RALYL: variants seen among roughly 807,000 people sequenced by gnomAD.
RALYL encodes the protein RNA-binding Raly-like protein.
A neutral mutation model predicts 35.1 loss-of-function variants in RALYL; 29 were observed. The ratio of observed to expected loss-of-function variants is 0.83; its 90% CI spans 0.61 to 1.13. The LOEUF (loss-of-function observed/expected upper bound fraction) is 1.13. Ranked by LOEUF, RALYL falls within the 50% of genes most tolerant of loss-of-function variation. The pLI is 0.00. For synonymous variants in RALYL, 120 were observed against 127.6 expected (o/e 0.94, Z 0.40); for missense variants, 359 against 360.4 (o/e 1.00, Z 0.03).
At chr8:84,744,010 G>T (rs912322315) in intron 2 of RALYL, among the ~76,000 whole-genome samples, 1 of 151,856 alleles carries the variant, frequency 6.6e-6, no homozygotes, top group African/African-American at 2.4e-5. Flanking sequence ...AATTGGAGAC[G>T]GATAGTAGCA....
At chr8:84,662,787 AAT>A (rs1440540600) in intron 2 of RALYL, among the ~76,000 whole-genome samples, 2 of 152,136 alleles carry the variant, frequency 1.3e-5, no homozygotes, top group African/African-American at 4.8e-5. Context: ...ATTTATATAA[AAT>A]AGTATAAAAA....
chr8:84,635,693 G>A (rs1191041621), intron 2 of RALYL, among the ~76,000 whole-genome samples: 1 of 151,624 alleles, frequency 6.6e-6, no homozygotes, highest in Non-Finnish European at 1.5e-5. Context: ...TTTAGATCCA[G>A]GAGATATAAT....
intron 8 of RALYL, among the ~76,000 whole-genome samples, chr8:84,894,272 T>C (rs903838594): frequency 6.6e-6 from 1 of 152,196 alleles, no homozygotes; most frequent in African/African-American, 2.4e-5. Flanking sequence ...CTTTTTCTTA[T>C]CATTTTGAAT....
At chr8:84,271,466 T>TTGTG (rs60994368) in intron 1 of RALYL, among the ~76,000 whole-genome samples, 87 of 143,654 alleles carry the variant, frequency 6.1e-4, no homozygotes, top group African/African-American at 1.6e-3. Flanking sequence ...TAGAAAATAG[T>TTGTG]TGTGTGTGTG....
intron 2 of RALYL, among the ~76,000 whole-genome samples, chr8:84,698,213 T>G (rs1486114216): frequency 6.6e-6 from 1 of 152,136 alleles, no homozygotes; most frequent in African/African-American, 2.4e-5. Context: ...CTCGCATCAC[T>G]GCTTTAAAAT....
intron 5 of RALYL, among the ~76,000 whole-genome samples, chr8:84,851,621 G>A (rs1835879719): frequency 6.6e-6 from 1 of 152,284 alleles, no homozygotes; most frequent in Middle Eastern, 3.4e-3. Flanking sequence ...GGAAGTAACT[G>A]TGATCCTTGA....
rs56387511 is a variant in RALYL at position 84,367,318 on chromosome 8, ATTTTTTTTTTTTTTTTTTTTTTTTTTTTT to A, written c.-23-161958_-23-161930del. ...GCCATCCTGCCCAACTAATTTTTGT[ATTTTTTTTTTTTTTTTTTTTTTTTTTTTT>A]TTTTTTTTTTTTTTTTTTTTTTAGT... On this transcript the variant is annotated intron_variant, in intron 1 of 8. Transcript: ENST00000521268. Among the ~76,000 whole-genome samples the A allele has an allele frequency of 8.8e-4, 24 of 27,406 alleles. 1 individual carries two copies. In the South Asian group the frequency reaches 0.021, roughly 24 times the overall value. 18.0% of individuals were successfully genotyped at this position (27,406 alleles called of 152,430 possible).
At chr8:84,471,232 A>G (rs574169788) in intron 1 of RALYL, among the ~76,000 whole-genome samples, 2 of 152,308 alleles carry the variant, frequency 1.3e-5, no homozygotes, top group East Asian at 3.9e-4. Flanking sequence ...ATTAAGAGAA[A>G]TGCAGGTTTT....
intron 1 of RALYL, among the ~76,000 whole-genome samples, chr8:84,202,407 C>T (rs1295157588): frequency 1.6e-5 from 2 of 124,298 alleles, no homozygotes; most frequent in African/African-American, 6.0e-5. Context: ...AAGTCTTGCT[C>T]TGTCGCCTAG....
chr8:84,679,825 G>T (rs1025754708), intron 2 of RALYL: 13 of 422,152 alleles, frequency 3.1e-5, no homozygotes, highest in Non-Finnish European at 2.8e-5. Flanking sequence ...TGATCTAGAG[G>T]GTCAGACTCA....
chr8:84,730,066 G>C (rs1193863316), intron 2 of RALYL, among the ~76,000 whole-genome samples: 1 of 152,138 alleles, frequency 6.6e-6, no homozygotes, highest in Non-Finnish European at 1.5e-5. Flanking sequence ...CCAAAGCTGG[G>C]CGGAGACACA....
chr8:84,868,064 T>C (rs1839505283), intron 6 of RALYL, among the ~76,000 whole-genome samples: 2 of 152,016 alleles, frequency 1.3e-5, no homozygotes, highest in Non-Finnish European at 1.5e-5. Context: ...AGTTATAGAG[T>C]CCATGAGACC....
intron 1 of RALYL, among the ~76,000 whole-genome samples, chr8:84,383,874 A>G (rs1280080211): frequency 6.6e-6 from 1 of 151,604 alleles, no homozygotes; most frequent in African/African-American, 2.4e-5. Flanking sequence ...TGAAGAATTG[A>G]GAGATGTGGG....
intron 2 of RALYL, among the ~76,000 whole-genome samples, chr8:84,727,936 A>G (rs372533386): frequency 1.3e-5 from 2 of 151,908 alleles, no homozygotes; most frequent in African/African-American, 2.4e-5. Context: ...ATAAACATAC[A>G]TGTGCATGTG....
chr8:84,252,587 C>A (rs1282082100), intron 1 of RALYL, among the ~76,000 whole-genome samples: 2 of 152,034 alleles, frequency 1.3e-5, no homozygotes, highest in Non-Finnish European at 2.9e-5. Flanking sequence ...TGACAACAGG[C>A]CATTTAGGGT....
At chr8:84,196,819 A>C (rs760919289) in intron 1 of RALYL, among the ~76,000 whole-genome samples, 17 of 152,214 alleles carry the variant, frequency 1.1e-4, no homozygotes, top group Non-Finnish European at 2.2e-4. Flanking sequence ...ATTGAAGTTC[A>C]TATTTGCCAA....
intron 1 of RALYL, among the ~76,000 whole-genome samples, chr8:84,489,150 A>T (rs1309280315): frequency 6.6e-6 from 1 of 152,064 alleles, no homozygotes; most frequent in African/African-American, 2.4e-5. Context: ...GCATAAAGGA[A>T]TGTTTCATCT....
At chr8:84,399,433 G>A (rs2042676058) in intron 1 of RALYL, among the ~76,000 whole-genome samples, 5 of 152,144 alleles carry the variant, frequency 3.3e-5, no homozygotes, top group Admixed American at 3.3e-4. Flanking sequence ...ATAGATTTAT[G>A]AAGTTGCCTA....
At chr8:84,722,617 T>TTATATATATATATATATA (rs71823678) in intron 2 of RALYL, among the ~76,000 whole-genome samples, 39 of 97,342 alleles carry the variant, frequency 4.0e-4, no homozygotes, top group African/African-American at 1.7e-3. Flanking sequence ...TAGAGTGATT[T>TTATATATATATATATATA]TATATATATA....
Sources: allele counts gnomAD v4.1 joint callset (sites outside exome capture counted in the v4.1 genomes callset), GRCh38; gene constraint gnomAD v4.1.1; transcripts MANE v1.5; gene names NCBI Gene and HGNC (gene_info 2026-07-23, HGNC 2026-07-21).